Variants in VPS13B observed in about 807,000 individuals in gnomAD.
VPS13B encodes the protein intermembrane lipid transfer protein VPS13B.
VPS13B carries 285 observed loss-of-function variants against 426.4 expected under a neutral mutation model. The ratio of observed to expected loss-of-function variants is 0.67; its 90% confidence interval spans 0.61 to 0.74. The LOEUF (loss-of-function observed/expected upper bound fraction) is 0.74, where lower values mean the gene tolerates loss of function less well. Among genes scored for constraint, VPS13B ranks in the 30% least tolerant of loss-of-function variants. The pLI, the probability that VPS13B is intolerant of heterozygous loss-of-function variation, is 0.00. For synonymous variants in VPS13B, 1,676 were observed against 1,676.4 expected (o/e 1.00, Z 0.01); for missense variants, 4,537 against 4,782.6 (o/e 0.95, Z 1.51).
intron 19 of VPS13B, among the ~76,000 whole-genome samples, chr8:99,349,459 A>T (rs191204138): frequency 1.3e-4 from 20 of 152,270 alleles, no homozygotes; most frequent in Admixed American, 9.8e-4. Context: ...TAAATCTAGA[A>T]TCCATAATGG....
intron 19 of VPS13B, among the ~76,000 whole-genome samples, chr8:99,296,620 C>T (rs567184318): frequency 3.7e-4 from 56 of 152,274 alleles, no homozygotes; most frequent in African/African-American, 1.3e-3. Flanking sequence ...GAATGTGTCT[C>T]CTAAAATTCC....
intron 33 of VPS13B, 64 bp downstream of exon 33, chr8:99,577,697 A>C: frequency 1.3e-6 from 2 of 1,590,070 alleles, no homozygotes; most frequent in Non-Finnish European, 1.7e-6. Flanking sequence ...TCACAGTAGG[A>C]AAACTATAAT....
chr8:99,498,669 CT>C (rs1247227301), intron 25 of VPS13B, among the ~76,000 whole-genome samples: 9 of 152,066 alleles, frequency 5.9e-5, no homozygotes, highest in Non-Finnish European at 1.0e-4. Flanking sequence ...ATGAGTAATT[CT>C]TTTCATGCTG....
intron 24 of VPS13B, among the ~76,000 whole-genome samples, chr8:99,478,447 G>GTTTTTTTTTTTTTTTTTTTTTT (rs56261645): frequency 2.6e-4 from 22 of 85,752 alleles, no homozygotes; most frequent in Non-Finnish European, 3.4e-4. Context: ...TTTTTGTTTT[G>GTTTTTTTTTTTTTTTTTTTTTT]TTTTTTTTTT....
At chr8:99,777,045 G>C in intron 41 of VPS13B, 89 bp downstream of exon 41, 1 of 1,477,062 alleles carries the variant, frequency 6.8e-7, no homozygotes, top group South Asian at 1.1e-5. Flanking sequence ...AACAATCTTA[G>C]ATAATGTATT....
chr8:99,234,689 A>G (rs1202742665), intron 17 of VPS13B, among the ~76,000 whole-genome samples: 1 of 152,268 alleles, frequency 6.6e-6, no homozygotes, highest in Non-Finnish European at 1.5e-5. Context: ...AAATAAAAAT[A>G]AGACATTAAT....
chr8:99,030,154 T>TTTTTTTTTA, intron 2 of VPS13B, among the ~76,000 whole-genome samples: 1 of 149,676 alleles, frequency 6.7e-6, no homozygotes, highest in Non-Finnish European at 1.5e-5. Flanking sequence ...TTTTTTTTTT[T>TTTTTTTTTA]TACTTAATAG....
intron 43 of VPS13B, among the ~76,000 whole-genome samples, chr8:99,792,221 C>T (rs529191724): frequency 6.6e-6 from 1 of 152,112 alleles, no homozygotes; most frequent in South Asian, 2.1e-4. Flanking sequence ...TTCTCCACAA[C>T]AAAACATGTA....
intron 4 of VPS13B, among the ~76,000 whole-genome samples, chr8:99,100,208 G>A (rs192828407): frequency 6.6e-6 from 1 of 152,050 alleles, no homozygotes; most frequent in Non-Finnish European, 1.5e-5. Context: ...TAGTTCTTTC[G>A]ATATTTGATT....
chr8:99,103,991 G>A (rs1191439003), intron 5 of VPS13B, among the ~76,000 whole-genome samples: 1 of 152,068 alleles, frequency 6.6e-6, no homozygotes, highest in Non-Finnish European at 1.5e-5. Flanking sequence ...CCACATGCTT[G>A]TTTCAAATGT....
chr8:99,373,087 T>G (rs534781052), intron 19 of VPS13B, among the ~76,000 whole-genome samples: 2 of 152,294 alleles, frequency 1.3e-5, no homozygotes, highest in East Asian at 3.9e-4. Context: ...CACTGCATAT[T>G]CTCACTCATA....
At chr8:99,870,523 T>C (rs1232836333) in intron 59 of VPS13B, among the ~76,000 whole-genome samples, 2 of 152,220 alleles carry the variant, frequency 1.3e-5, no homozygotes, top group Non-Finnish European at 2.9e-5. Context: ...CCAGCTACTT[T>C]CGGTGTTTTT....
intron 19 of VPS13B, among the ~76,000 whole-genome samples, chr8:99,299,483 C>A (rs1224857886): frequency 2.6e-5 from 4 of 152,068 alleles, no homozygotes; most frequent in African/African-American, 9.7e-5. Flanking sequence ...GCAAATATTT[C>A]TTGTGTTACT....
intron 22 of VPS13B, among the ~76,000 whole-genome samples, chr8:99,435,533 T>A (rs1817324823): frequency 6.6e-6 from 1 of 152,166 alleles, no homozygotes; most frequent in Non-Finnish European, 1.5e-5. Context: ...CAATGTAGGA[T>A]ATACTGGAGA....
intron 3 of VPS13B, among the ~76,000 whole-genome samples, chr8:99,088,088 G>A (rs928520774): frequency 4.1e-4 from 62 of 151,396 alleles, no homozygotes; most frequent in African/African-American, 1.3e-3. Flanking sequence ...GGAGGTTGAG[G>A]CAGGAGAATT....
chr8:99,376,906 C>G (rs1813520595), intron 19 of VPS13B, among the ~76,000 whole-genome samples: 1 of 151,844 alleles, frequency 6.6e-6, no homozygotes, highest in African/African-American at 2.4e-5. Flanking sequence ...TTTAAAAAAT[C>G]AACTCAATAT....
intron 33 of VPS13B, among the ~76,000 whole-genome samples, chr8:99,624,005 A>ATTTTTT: frequency 1.2e-5 from 1 of 83,800 alleles, no homozygotes; most frequent in Non-Finnish European, 2.4e-5. Flanking sequence ...ATATATATAT[A>ATTTTTT]TATTTTTTTT....
Position 99,328,959 on chromosome 8 carries a change from C to T in VPS13B, c.2824+53705C>T, listed in dbSNP as rs148879274. Among the ~76,000 whole-genome samples the T allele has an allele frequency of 5.2e-3, 794 of 152,160 alleles. 5 individuals are homozygous for T. Among genetic ancestry groups the T allele is most frequent in the African/African-American group, 0.018 (734 of 41,510 alleles). ...CCACAATGCATTCTGTTTGTTTTAC[C>T]TCTCCTCCCCCTAGTTATTAGATTA... On this transcript the variant is annotated intron_variant, in intron 19 of 61. Coordinates refer to ENST00000357162, the MANE Select transcript of VPS13B (RefSeq NM_152564.5).
At chr8:99,728,583 T>G (rs1833451192) in intron 39 of VPS13B, among the ~76,000 whole-genome samples, 1 of 152,128 alleles carries the variant, frequency 6.6e-6, no homozygotes. Context: ...GAAGGAGGTT[T>G]TTGTGTTTAT....
Sources: allele counts gnomAD v4.1 joint callset (sites outside exome capture counted in the v4.1 genomes callset), GRCh38; gene constraint gnomAD v4.1.1; transcripts MANE v1.5; gene names NCBI Gene and HGNC (gene_info 2026-07-23, HGNC 2026-07-21).